IQCK: variants seen among roughly 807,000 people sequenced by gnomAD.
IQCK encodes IQ domain-containing protein K.
A neutral mutation model predicts 28.1 loss-of-function variants in IQCK; 29 were observed. That is an observed-to-expected ratio of 1.03 (90% CI 0.77 to 1.41). The LOEUF is 1.41. Ranked by LOEUF, IQCK falls within the 40% of genes most tolerant of loss-of-function variation. The pLI is 0.00. For synonymous variants in IQCK, 113 were observed against 115.1 expected, an observed-to-expected ratio of 0.98 and a Z score of 0.12; for missense variants, 359 against 314.7, an observed-to-expected ratio of 1.14 and a Z score of -1.07.
intron 6 of IQCK, among the ~76,000 whole-genome samples, chr16:19,776,228 T>A (rs2055392995): frequency 6.6e-6 from 1 of 152,110 alleles, no homozygotes; most frequent in Non-Finnish European, 1.5e-5. Flanking sequence ...AAATTAAGTC[T>A]TTGCCCAGGA....
intron 7 of IQCK, among the ~76,000 whole-genome samples, chr16:19,813,830 C>T (rs2055939296): frequency 6.6e-6 from 1 of 151,436 alleles, no homozygotes; most frequent in Admixed American, 6.6e-5. Context: ...TTTTAAAGTC[C>T]TTGTGTTGTT....
At chr16:19,803,758 T>A (rs894578229) in intron 7 of IQCK, among the ~76,000 whole-genome samples, 1 of 152,058 alleles carries the variant, frequency 6.6e-6, no homozygotes, top group African/African-American at 2.4e-5. Flanking sequence ...GTTCAAACGA[T>A]TCTCCCAGTT....
intron 7 of IQCK, among the ~76,000 whole-genome samples, chr16:19,815,530 G>C (rs1310294697): frequency 2.7e-5 from 4 of 149,894 alleles, no homozygotes; most frequent in African/African-American, 1.0e-4. Flanking sequence ...ACAAAACTAG[G>C]CATGGTGGTT....
chr16:19,740,531 C>G (rs1457145258), intron 4 of IQCK, among the ~76,000 whole-genome samples: 2 of 152,154 alleles, frequency 1.3e-5, no homozygotes, highest in South Asian at 4.1e-4. Flanking sequence ...AGTCACATTT[C>G]AGCAATTGTA....
At chr16:19,762,623 C>G (rs2151708718) in intron 4 of IQCK, among the ~76,000 whole-genome samples, 1 of 152,212 alleles carries the variant, frequency 6.6e-6, no homozygotes, top group Middle Eastern at 3.4e-3. Context: ...AATCAATTAA[C>G]CTCCCTTCCT....
At chr16:19,724,023 G>T (rs574310019) in intron 1 of IQCK, among the ~76,000 whole-genome samples, 1 of 151,542 alleles carries the variant, frequency 6.6e-6, no homozygotes, top group Non-Finnish European at 1.5e-5. Flanking sequence ...CAGACTCCTT[G>T]GGGGTGAGTC....
chr16:19,747,035 T>A (rs2054921509), intron 4 of IQCK, among the ~76,000 whole-genome samples: 2 of 152,136 alleles, frequency 1.3e-5, no homozygotes, highest in African/African-American at 4.8e-5. Flanking sequence ...TCCCAGCAAT[T>A]TAAGAGGCCA....
chr16:19,839,248 C>G (rs1890952830), intron 9 of IQCK, among the ~76,000 whole-genome samples: 2 of 151,534 alleles, frequency 1.3e-5, no homozygotes, highest in Admixed American at 6.6e-5. Flanking sequence ...GCAACCTCCA[C>G]CTCCAGGGTT....
intron 6 of IQCK, among the ~76,000 whole-genome samples, chr16:19,781,957 C>A (rs867512318): frequency 6.6e-6 from 1 of 151,648 alleles, no homozygotes; most frequent in East Asian, 2.0e-4. Context: ...CCACTGCACT[C>A]CAGCCTGGGT....
At chr16:19,837,716 C>T (rs2056315234) in intron 9 of IQCK, among the ~76,000 whole-genome samples, 1 of 152,182 alleles carries the variant, frequency 6.6e-6, no homozygotes, top group African/African-American at 2.4e-5. Context: ...CAGTGGTTCT[C>T]AATGCTGGCT....
At chr16:19,805,285 A>T (rs1047435557) in intron 7 of IQCK, among the ~76,000 whole-genome samples, 3 of 152,216 alleles carry the variant, frequency 2.0e-5, no homozygotes, top group Non-Finnish European at 4.4e-5. Context: ...CCTGGTAAAT[A>T]GTATGCTGCC....
At chr16:19,729,058 A>G (rs148695213) in intron 1 of IQCK, among the ~76,000 whole-genome samples, 2,539 of 152,334 alleles carry the variant, frequency 0.017, 36 homozygotes, top group Non-Finnish European at 0.025. Flanking sequence ...GGATATAACT[A>G]ATACTGGCCA....
intron 1 of IQCK, among the ~76,000 whole-genome samples, chr16:19,723,223 C>T (rs1977552565): frequency 6.6e-6 from 1 of 151,378 alleles, no homozygotes; most frequent in African/African-American, 2.4e-5. Context: ...CAGACCATAT[C>T]CCACTGGCTG....
At chr16:19,850,270 A>G (rs1479766801) in intron 9 of IQCK, among the ~76,000 whole-genome samples, 1 of 152,136 alleles carries the variant, frequency 6.6e-6, no homozygotes, top group African/African-American at 2.4e-5. Flanking sequence ...GAGTTTTAAG[A>G]GCAGCAGCAG....
intron 9 of IQCK, among the ~76,000 whole-genome samples, chr16:19,848,571 GA>G (rs1475693602): frequency 2.0e-5 from 3 of 152,158 alleles, no homozygotes; most frequent in African/African-American, 7.2e-5. Flanking sequence ...CACCTGGGGG[GA>G]AAGGAAACCA....
At chr16:19,820,277 G>A (rs1371317966) in intron 7 of IQCK, among the ~76,000 whole-genome samples, 7 of 152,190 alleles carry the variant, frequency 4.6e-5, no homozygotes, top group Non-Finnish European at 8.8e-5. Context: ...AGCACTTTGG[G>A]AGATCAAGGT....
At chr16:19,723,231 C>A (rs1327691293) in intron 1 of IQCK, among the ~76,000 whole-genome samples, 2 of 152,198 alleles carry the variant, frequency 1.3e-5, no homozygotes, top group East Asian at 3.9e-4. Context: ...ATCCCACTGG[C>A]TGTCGTAGGA....
intron 1 of IQCK, among the ~76,000 whole-genome samples, chr16:19,727,750 G>A (rs1413087588): frequency 6.6e-6 from 1 of 152,144 alleles, no homozygotes; most frequent in Non-Finnish European, 1.5e-5. Flanking sequence ...TAATCAGACA[G>A]AAGTATAAAT....
At chr16:19,765,836 A>C (rs1339394315) in intron 6 of IQCK, 1 of 152,140 alleles carries the variant, frequency 6.6e-6, no homozygotes, top group Non-Finnish European at 1.5e-5. Context: ...AGCTTCTTTG[A>C]GTATCATTCT....
Sources: gnomAD v4.1 joint callset for allele counts (sites outside exome capture counted in the v4.1 genomes callset) on GRCh38, gnomAD v4.1.1 for gene constraint, MANE v1.5 for transcripts, NCBI Gene and HGNC (gene_info 2026-07-23, HGNC 2026-07-21) for gene names.